MYH3: variants seen among roughly 807,000 people sequenced by gnomAD.
MYH3 encodes myosin-3.
Under a neutral mutation model 238.0 loss-of-function variants are expected in MYH3, and 130 were observed. The ratio of observed to expected loss-of-function variants is 0.55; its 90% CI spans 0.47 to 0.63. MYH3 has a LOEUF of 0.63. MYH3 is among the 30% of genes least tolerant of loss of function. MYH3 has a pLI of 0.00. For synonymous variants in MYH3, 880 were observed against 924.1 expected, an observed-to-expected ratio of 0.95 and a Z score of 0.86; for missense variants, 1,853 against 2,374.9, an observed-to-expected ratio of 0.78 and a Z score of 4.57.
Position 10,645,818 on chromosome 17 carries a change from G to A in MYH3, c.1030C>T (p.Pro344Ser). 4 of 1,613,858 alleles carry A rather than the reference G, an allele frequency of 2.5e-6. No individual in the cohort carries two copies. Among genetic ancestry groups the A allele is most frequent in the Non-Finnish European group, 3.4e-6 (4 of 1,179,990 alleles). ...TTGTAGAGCCCAGATTTCTCTTCTGGGGTGAAGCCCAGGATGTCAATGGCG... is the reference window on the plus strand; with the variant it reads ...TTGTAGAGCCCAGATTTCTCTTCTGAGGTGAAGCCCAGGATGTCAATGGCG... ...DSAIDILGFT[P>S]EEKSGLYKLT... is the part of the protein sequence containing the mutation. The change falls in exon 12 of 41, where the codon CCA (proline) becomes TCA (serine). Residue 344 changes from proline to serine, a missense_variant. By Grantham distance (74) the Pro-to-Ser change is moderately conservative. This residue lies in a region of MYH3 where 678 missense variants were observed against 1,058.9 expected (regional missense o/e 0.64). Coordinates refer to ENST00000583535, the MANE Select transcript of MYH3 (RefSeq NM_002470.4).
At chr17:10,646,945 G>A (rs1017012482) in intron 10 of MYH3, among the ~76,000 whole-genome samples, 46 of 152,148 alleles carry the variant, frequency 3.0e-4, no homozygotes, top group African/African-American at 1.1e-3. Context: ...CCACTCGGGA[G>A]GCTGGGGCTG....
At chr17:10,633,113 G>A (rs1281171171) in intron 33 of MYH3, among the ~76,000 whole-genome samples, 2 of 152,132 alleles carry the variant, frequency 1.3e-5, no homozygotes, top group Non-Finnish European at 2.9e-5. Context: ...TCGGGAGGCT[G>A]AGGCAGGAGA....
intron 2 of MYH3, among the ~76,000 whole-genome samples, chr17:10,655,413 G>A (rs2074418396): frequency 6.6e-6 from 1 of 152,152 alleles, no homozygotes; most frequent in Non-Finnish European, 1.5e-5. Flanking sequence ...GTGACAACCA[G>A]GTGTTGCTGA....
rs1169565963 is a variant in MYH3 at position 10,651,629 on chromosome 17, T to A, written c.388A>T (p.Lys130Ter). ...TCGGGGTTGTACACCGGCAGCCACT[T>A]GTAGGGGTTGACAGTGACACAGAAG... Reference protein sequence around the residue: ...GLFCVTVNPYKWLPVYNPEVV... With the variant: ...GLFCVTVNPY The change falls in exon 5 of 41, where the codon AAG becomes TAG. Residue 130 changes from lysine (K) to a stop codon, truncating the protein, a stop_gained. Transcript: ENST00000583535. LOFTEE classifies it high-confidence loss of function. 6.2e-7 allele frequency: 1 copy of A among 1,614,026 alleles called. No individual in the cohort carries two copies. Among genetic ancestry groups the A allele is most frequent in the African/African-American group, 1.3e-5 (1 of 74,932 alleles).
chr17:10,638,488 T>G, intron 26 of MYH3, 56 bp from the exon 27 acceptor site: 1 of 1,597,078 alleles, frequency 6.3e-7, no homozygotes, highest in Non-Finnish European at 8.5e-7. Flanking sequence ...GGGACTCTGA[T>G]TGCCAAGAAC....
rs2074284899 is a variant in MYH3 at position 10,642,768 on chromosome 17, G to T, written c.1582-45C>A. The T allele has an allele frequency of 6.2e-7, 1 of 1,614,032 alleles. No individual in the cohort carries two copies. The highest frequency in any genetic ancestry group is 8.5e-7 in the Non-Finnish European group (1 of 1,180,040). On this transcript the variant is annotated intron_variant, in intron 15 of 40. Coordinates refer to ENST00000583535, the MANE Select transcript of MYH3 (RefSeq NM_002470.4). This position sits in a 1 kb window ranked among gnomAD's most constrained non-coding sequence, Gnocchi z 5.4. Reference sequence around the variant, plus strand: ...AAGTGCAGAGAGGTAAATATGAGCTGCAGTAATGAGCAGAAGAGTCTATGA... The same window carrying T: ...AAGTGCAGAGAGGTAAATATGAGCTTCAGTAATGAGCAGAAGAGTCTATGA...
At chr17:10,664,046 G>C in the MYH3 span, among the ~76,000 whole-genome samples, 409 of 127,654 alleles carry the variant, frequency 3.2e-3, 3 homozygotes, top group African/African-American at 0.012. Context: ...CTGGGTGACA[G>C]AGTGAGACTC....
At chr17:10,666,776 T>A in the MYH3 span, among the ~76,000 whole-genome samples, 35,160 of 151,384 alleles carry the variant, frequency 0.23, 4,230 homozygotes, top group Non-Finnish European at 0.27. Context: ...AAAACAAAAC[T>A]AAAAGACGTG....
the MYH3 span, among the ~76,000 whole-genome samples, chr17:10,663,340 G>C: frequency 2.6e-5 from 4 of 152,162 alleles, no homozygotes; most frequent in Non-Finnish European, 5.9e-5. Flanking sequence ...GATGGTGTTC[G>C]AATGAGGGAG....
chr17:10,651,983 C>T (rs983333536), intron 4 of MYH3: 13 of 396,054 alleles, frequency 3.3e-5, no homozygotes, highest in South Asian at 1.4e-4. Context: ...CCTCATGATC[C>T]ACCCGCCTTA....
chr17:10,641,255 C>T (rs2074268371), intron 18 of MYH3, 30 bp downstream of exon 18: 2 of 1,609,766 alleles, frequency 1.2e-6, no homozygotes, highest in African/African-American at 1.3e-5. Context: ...AAAAACTGAG[C>T]ACCACCTAGC....
In MYH3 at chr17:10,645,870, A is replaced by G; in HGVS notation, c.1003-25T>C. 2.5e-6 allele frequency: 4 copies of G among 1,613,982 alleles called. 1 individual carries two copies. ...TCTGGCATGGAAAGGGCAGCACGTCAGTCAGTTGGCCCCAGTGATGGAGGA... is the reference window on the plus strand; with the variant it reads ...TCTGGCATGGAAAGGGCAGCACGTCGGTCAGTTGGCCCCAGTGATGGAGGA... On this transcript the variant is annotated intron_variant, in intron 11 of 40. Transcript: ENST00000583535.
rs979326011 is a variant in MYH3 at position 10,631,934 on chromosome 17, T to A, written c.5039A>T (p.Asn1680Ile). 6 of 1,613,978 alleles carry A rather than the reference T, an allele frequency of 3.7e-6. No homozygotes were observed. In the African/African-American group the frequency reaches 8.0e-5, roughly 22 times the overall value. Residue 1680 changes from asparagine to isoleucine, a missense_variant, in exon 35 of 41, where the codon AAC becomes ATC. Coordinates refer to ENST00000583535, the MANE Select transcript of MYH3 (RefSeq NM_002470.4). Reference sequence around the variant, plus strand: ...CTCCTCCACCTCGGCCTGCAGCAGGTTGGCTCTGCGCTCCACAATCGCCAG... The same window carrying A: ...CTCCTCCACCTCGGCCTGCAGCAGGATGGCTCTGCGCTCCACAATCGCCAG... The part of the protein sequence containing the change: ...EQLAIVERRA[N>I]LLQAEVEELR...
At chr17:10,666,478 A>G in the MYH3 span, among the ~76,000 whole-genome samples, 1 of 147,540 alleles carries the variant, frequency 6.8e-6, no homozygotes, top group East Asian at 2.0e-4. Flanking sequence ...GGAGTGGCTC[A>G]TGCCTGTAAT....
chr17:10,632,637 G>C lies in MYH3; in HGVS notation c.4795C>G (p.Gln1599Glu), dbSNP rs765120779. The change falls in exon 34 of 41, where the codon CAG (glutamine) becomes GAG (glutamate). Residue 1599 changes from glutamine to glutamate, a missense_variant. Around this residue, in one of 3 missense-constraint regions of MYH3, gnomAD observed 1,044 missense variants for 1,192.6 expected, o/e 0.88. Transcript: ENST00000583535. ...CGCACCTCGGCGTCCAGGGCGCTCTGCATGGTTTCCACTGTTCTCTGGTAG... is the reference window on the plus strand; with the variant it reads ...CGCACCTCGGCGTCCAGGGCGCTCTCCATGGTTTCCACTGTTCTCTGGTAG... ...RNYQRTVETM[Q>E]SALDAEVRSR... The C allele has an allele frequency of 2.8e-5, 45 of 1,614,138 alleles. No homozygotes were observed. The highest frequency in any genetic ancestry group is 3.8e-5 in the Non-Finnish European group (45 of 1,180,040).
chr17:10,628,760 G>C (rs770923557), intron 40 of MYH3, 81 bp from the exon 41 acceptor site: 67 of 1,487,192 alleles, frequency 4.5e-5, no homozygotes, highest in Non-Finnish European at 6.0e-5. Context: ...GCTGGCATCA[G>C]AGTTGCTTGC....
In MYH3 at chr17:10,651,740, TATTATTG is replaced by T. The variant is rs1316791578; in HGVS notation, c.349-79_349-73del. The T allele has an allele frequency of 1.4e-5, 21 of 1,485,814 alleles. No individual in the cohort carries two copies. In the African/African-American group the frequency reaches 2.8e-4, roughly 20 times the overall value. 92.0% of individuals were successfully genotyped at this position (1,485,814 alleles called of 1,614,324 possible). The stretch of plus-strand genomic sequence containing the variant: ...ATGGAAAACCCCTTGCCTTTATTAT[TATTATTG>T]TTTTTTTTTTTTTTTGAGACGGAGT... On this transcript the variant is annotated intron_variant, in intron 4 of 40. Transcript: ENST00000583535.
At position 10,642,393 on chromosome 17, in the gene MYH3, A is replaced by G. The variant is rs1485688291; in HGVS notation, c.1888+24T>C. 2.5e-6 allele frequency: 4 copies of G among 1,614,128 alleles called. No individual in the cohort carries two copies. Among genetic ancestry groups the G allele is most frequent in the African/African-American group, 1.3e-5 (1 of 75,034 alleles). On this transcript the variant is annotated intron_variant, in intron 16 of 40. Transcript: ENST00000583535. This position sits in a 1 kb window ranked among gnomAD's most constrained non-coding sequence, Gnocchi z 5.4. ...TGTGGAACAAATGGAGGGAAATCAC[A>G]TGGACACAAAGCACTCCTCTTACCA...
Position 10,639,676 on chromosome 17 carries a change from G to T in MYH3, c.2809C>A (p.Leu937Met). The change falls in exon 23 of 41, where the codon CTG becomes ATG. Residue 937 changes from leucine (L) to methionine (M), a missense_variant. Leu to Met is a conservative substitution (Grantham distance 15). This residue lies in a region of MYH3 where 678 missense variants were observed against 1,058.9 expected (regional missense o/e 0.64). Transcript: ENST00000583535. ...TCCAGTTTCCTCTTCTTGGCCGTCA[G>T]CTCAGCATTGATCTCCTCCTCATCT... ...AEDEEEINAE[L>M]TAKKRKLEDE... 3.1e-6 allele frequency: 5 copies of T among 1,613,962 alleles called. No individual in the cohort carries two copies. Among genetic ancestry groups the T allele is most frequent in the Non-Finnish European group, 4.2e-6 (5 of 1,180,028 alleles).
Sources: allele counts gnomAD v4.1 joint callset (sites outside exome capture counted in the v4.1 genomes callset), GRCh38; gene constraint gnomAD v4.1.1; regional missense constraint gnomAD v4.1.1; non-coding constraint Gnocchi (gnomAD v3.1); transcripts MANE v1.5; gene names NCBI Gene and HGNC (gene_info 2026-07-23, HGNC 2026-07-21).